Variants in TEP1 observed in about 807,000 individuals in gnomAD.
TEP1 encodes telomerase protein component 1.
Under a neutral mutation model 306.3 loss-of-function variants are expected in TEP1, and 241 were observed. The ratio of observed to expected loss-of-function variants is 0.79; its 90% CI spans 0.71 to 0.88. TEP1 has a LOEUF of 0.88. TEP1 is among the 40% of genes least tolerant of loss of function. The pLI is 0.00. For synonymous variants in TEP1, 1,289 were observed against 1,305.5 expected (o/e 0.99, Z 0.27); for missense variants, 3,051 against 3,276.1 (o/e 0.93, Z 1.68).
intron 43 of TEP1, among the ~76,000 whole-genome samples, chr14:20,374,946 C>A (rs1304017856): frequency 2.0e-5 from 3 of 151,958 alleles, no homozygotes; most frequent in African/African-American, 7.2e-5. Flanking sequence ...AAAAAATTAG[C>A]TGGGCATGGT....
In TEP1 at chr14:20,378,184, C is replaced by A. The variant is rs563213330; in HGVS notation, c.5561G>T (p.Gly1854Val). 6.2e-7 allele frequency: 1 copy of A among 1,613,862 alleles called. No homozygotes were observed. The highest frequency in any genetic ancestry group is 1.7e-5 in the Admixed American group (1 of 60,022). Residue 1854 changes from glycine to valine, a missense_variant, in exon 39 of 55, where the codon GGG (glycine) becomes GTG (valine). Physicochemically the swap from Gly to Val is moderately radical, Grantham distance 109 (BLOSUM62 -3). This residue lies in a region of TEP1 where 1,540 missense variants were observed against 1,705.9 expected (regional missense o/e 0.90). Transcript: ENST00000262715. ...CAGCCGGCCCACAGCCACAACCCCC[C>A]CAGGCACATTGAAGGCCAAGGTACG... Reference protein sequence around the residue: ...SIRTLAFNVPGGVVAVGRLDS... With the variant: ...SIRTLAFNVPVGVVAVGRLDS...
At position 20,403,856 on chromosome 14, in the gene TEP1, A is replaced by G. The variant is rs185614346; in HGVS notation, c.1061T>C (p.Leu354Pro). 106 of 1,614,146 alleles carry G rather than the reference A, an allele frequency of 6.6e-5. No individual in the cohort carries two copies. The East Asian group carries it at 2.0e-3, about 30-fold the overall frequency. ...QSLAEGDKNK[L>P]VPLPACLRTA... ...ACGGAGACAGGCGGGCAGGGGCACC[A>G]GCTTATTCTTATCTCCCTCAGCCAG... is the stretch of plus-strand genomic sequence containing the variant. Residue 354 changes from leucine (L) to proline (P), a missense_variant, in exon 6 of 55, where the codon CTG becomes CCG. By Grantham distance (98) the Leu-to-Pro change is moderately conservative. Transcript: ENST00000262715.
Position 20,388,020 on chromosome 14 carries a change from C to G in TEP1, c.2569G>C (p.Gly857Arg), listed in dbSNP as rs1295164953. 6.2e-6 allele frequency: 10 copies of G among 1,614,036 alleles called. No individual in the cohort carries two copies. The highest frequency in any genetic ancestry group is 8.5e-6 in the Non-Finnish European group (10 of 1,180,018). ...HGASHLLEHV[G>R]QMDKIFKIPP... ...ATCTTGAATATTTTGTCCATTTGGC[C>G]CACATGTTCCAGAAGATGGGAGGCC... The change falls in exon 18 of 55, where the codon GGC (glycine) becomes CGC (arginine). Residue 857 changes from glycine to arginine, a missense_variant. By Grantham distance (125) the Gly-to-Arg change is moderately radical. Coordinates refer to ENST00000262715, the MANE Select transcript of TEP1 (RefSeq NM_007110.5).
intron 1 of TEP1, among the ~76,000 whole-genome samples, chr14:20,412,938 C>T (rs1200657685): frequency 6.6e-6 from 1 of 152,044 alleles, no homozygotes. Flanking sequence ...GGATTACAGG[C>T]GTGAACCACC....
chr14:20,369,818 T>G, intron 51 of TEP1, 39 bp from the exon 52 acceptor site: 1 of 1,518,308 alleles, frequency 6.6e-7, no homozygotes, highest in Non-Finnish European at 9.1e-7. Flanking sequence ...CCTACCCATA[T>G]GAGTCAACTT....
chr14:20,389,478 G>C (rs1877513613), intron 16 of TEP1, 132 bp downstream of exon 16: 8 of 1,477,410 alleles, frequency 5.4e-6, no homozygotes, highest in Non-Finnish European at 7.4e-6. Flanking sequence ...TCCACCTGAA[G>C]TGCAACAGAG....
chr14:20,380,522 T>A (rs1454696567), intron 33 of TEP1, 47 bp from the exon 34 acceptor site: 2 of 1,573,490 alleles, frequency 1.3e-6, no homozygotes, highest in Admixed American at 1.8e-5. Context: ...CTGGACCCCA[T>A]TAGCCCCAGC....
rs1240755128 is a variant in TEP1 at position 20,381,096 on chromosome 14, G to A, written c.4648-51C>T. ...AGGGATATGAAGGGGCTGGTGAGAA[G>A]GGACAGTTTAGTCTCAGAACCTGGA... On this transcript the variant is annotated intron_variant, in intron 32 of 54. Transcript: ENST00000262715. The surrounding 1 kb of genome is among the most constrained non-coding windows in gnomAD (Gnocchi z 4.0). The A allele has an allele frequency of 2.0e-6, 3 of 1,485,414 alleles. No homozygotes were observed. The highest frequency in any genetic ancestry group is 2.3e-5 in the South Asian group (2 of 88,138). The allele number at this position is 1,485,414 out of a possible 1,614,324, so 92.0% of individuals were successfully genotyped here. A position where few individuals can be genotyped will look rare whatever the true frequency, so the allele number is the denominator to read the frequency against.
rs373182815 is a variant in TEP1, at chr14:20,395,532, G to A, written c.1846C>T (p.Arg616Cys). The A allele has an allele frequency of 1.4e-5, 22 of 1,613,912 alleles. No homozygotes were observed. The highest frequency in any genetic ancestry group is 1.3e-4 in the South Asian group (12 of 91,082). ...CTCATTGCCATCCGAAGCTGCTGACGGCTTAGGTGGCAAAGAAACCTCCGC... is the reference window on the plus strand; with the variant it reads ...CTCATTGCCATCCGAAGCTGCTGACAGCTTAGGTGGCAAAGAAACCTCCGC... ...PRRRFLCHLS[R>C]QQLRMAMRIP... Residue 616 changes from arginine to cysteine, a missense_variant, in exon 12 of 55, where the codon CGT becomes TGT. By Grantham distance (180) the Arg-to-Cys change is radical (BLOSUM62 -3). Transcript: ENST00000262715.
At chr14:20,382,976 AGGCCATTCACC>A (rs1334669322) in intron 27 of TEP1, among the ~76,000 whole-genome samples, 187 bp downstream of exon 27, 4 of 152,242 alleles carry the variant, frequency 2.6e-5, no homozygotes, top group African/African-American at 9.6e-5. Flanking sequence ...GGCCCTGGAA[AGGCCATTCACC>A]GGGGGAAGAG....
At chr14:20,376,469 G>A (rs182640472) in intron 41 of TEP1, among the ~76,000 whole-genome samples, 3 of 152,274 alleles carry the variant, frequency 2.0e-5, no homozygotes, top group Non-Finnish European at 4.4e-5. Flanking sequence ...GGAACGTGCG[G>A]CACTCCCAGC....
At chr14:20,396,822 G>A in intron 9 of TEP1, 92 bp from the exon 10 acceptor site, 2 of 850,634 alleles carry the variant, frequency 2.4e-6, no homozygotes, top group South Asian at 1.9e-5. Context: ...AGGAGGCTGA[G>A]ACAGAAGGAT....
intron 13 of TEP1, 105 bp from the exon 14 acceptor site, chr14:20,391,201 G>A: frequency 8.1e-7 from 1 of 1,228,068 alleles, no homozygotes; most frequent in Admixed American, 2.4e-5. Context: ...GAGGGAATAA[G>A]AAAAAGTGTA....
chr14:20,373,034 C>A lies in TEP1; in HGVS notation c.6928G>T (p.Ala2310Ser), dbSNP rs35929175. Reference protein sequence around the residue: ...QAGELILWQEAKAVATAQAPG... With the variant: ...QAGELILWQESKAVATAQAPG... ...ACCTGTGCTGTGGCCACAGCCTTAG[C>A]TTCCTGCCACAAGATTAGTTCCCCA... Residue 2310 changes from alanine (A) to serine (S), a missense_variant, in exon 48 of 55, where the codon GCT becomes TCT. Ala to Ser is a moderately conservative substitution (Grantham distance 99, BLOSUM62 1). Coordinates refer to ENST00000262715, the MANE Select transcript of TEP1 (RefSeq NM_007110.5). 1,795 of 1,614,196 alleles carry A rather than the reference C, an allele frequency of 1.1e-3. 14 individuals carry two copies. In the African/African-American group the frequency reaches 0.018, roughly 16 times the overall value.
chr14:20,378,672 C>T (rs1163790530), intron 37 of TEP1, 82 bp downstream of exon 37: 3 of 1,579,062 alleles, frequency 1.9e-6, no homozygotes, highest in Middle Eastern at 3.6e-4. Context: ...AGTCAGCAGC[C>T]TCTGCCGCAC....
intron 15 of TEP1, among the ~76,000 whole-genome samples, chr14:20,390,083 G>A (rs1281456880): frequency 6.6e-6 from 1 of 152,030 alleles, no homozygotes; most frequent in East Asian, 1.9e-4. Context: ...AAACAAATGT[G>A]GCTGGGCATG....
Position 20,368,537 on chromosome 14 carries a change from C to G in TEP1, c.7784G>C (p.Gly2595Ala). The change falls in exon 55 of 55, where the codon GGG (glycine) becomes GCG (alanine). Residue 2595 changes from glycine to alanine, a missense_variant. Coordinates refer to ENST00000262715, the MANE Select transcript of TEP1 (RefSeq NM_007110.5). ...MQLLGLFRCE[G>A]SVSCLEPWLG... ...CCAAGGTTCCAGGCAGCTCACTGAC[C>G]CTTCGCATCGGAACAGGCCCAGCTA... 2 of 1,614,096 alleles carry G rather than the reference C, an allele frequency of 1.2e-6. No homozygotes were observed. Among genetic ancestry groups the G allele is most frequent in the Non-Finnish European group, 1.7e-6 (2 of 1,180,012 alleles).
chr14:20,382,156 C>A, intron 29 of TEP1, 68 bp downstream of exon 29: 1 of 1,612,778 alleles, frequency 6.2e-7, no homozygotes, highest in Non-Finnish European at 8.5e-7. Flanking sequence ...CTGCTGAGAC[C>A]CCAAGGGAAC....
At chr14:20,388,859 A>G (rs1345519499) in intron 17 of TEP1, among the ~76,000 whole-genome samples, 3 of 152,196 alleles carry the variant, frequency 2.0e-5, no homozygotes, top group African/African-American at 7.2e-5. Flanking sequence ...TTAAAAAAGA[A>G]GTAACTGGAG....
Sources: gnomAD v4.1 joint callset for allele counts (sites outside exome capture counted in the v4.1 genomes callset) on GRCh38, gnomAD v4.1.1 for gene constraint, gnomAD v4.1.1 regional missense constraint, Gnocchi (gnomAD v3.1) non-coding constraint, MANE v1.5 for transcripts, NCBI Gene and HGNC (gene_info 2026-07-23, HGNC 2026-07-21) for gene names.